PLAC9: variants seen among roughly 807,000 people sequenced by gnomAD.
The protein encoded by PLAC9 is placenta-specific protein 9.
In PLAC9, 12 loss-of-function variants were observed where a neutral mutation model predicts 11.5. The ratio of observed to expected loss-of-function variants is 1.05; its 90% CI spans 0.67 to 1.69. The LOEUF is 1.69. PLAC9 is among the 40% of genes most tolerant of loss of function. The pLI is 0.00. For missense variants in PLAC9, 132 were observed against 130.5 expected (o/e 1.01, Z -0.06); for synonymous variants, 62 against 58.1 (o/e 1.07, Z -0.31).
intron 1 of PLAC9, among the ~76,000 whole-genome samples, chr10:80,135,019 T>TTTA (rs1844958438): frequency 6.6e-6 from 1 of 151,164 alleles, no homozygotes; most frequent in Non-Finnish European, 1.5e-5. Flanking sequence ...TGTTTGTTTA[T>TTTA]TTATTTATTT....
intron 2 of PLAC9, among the ~76,000 whole-genome samples, 171 bp downstream of exon 2, chr10:80,142,350 C>T (rs1387878724): frequency 2.0e-5 from 3 of 152,098 alleles, no homozygotes; most frequent in African/African-American, 7.2e-5. Context: ...CTGCCCAGCC[C>T]CCAGTGGACC....
At chr10:80,143,011 C>T (rs2789649) in intron 2 of PLAC9, among the ~76,000 whole-genome samples, 69,541 of 151,878 alleles carry the variant, frequency 0.46, 16,240 homozygotes, top group East Asian at 0.56. Flanking sequence ...GCATGAGCCA[C>T]TGTGCCCGGC....
intron 1 of PLAC9, among the ~76,000 whole-genome samples, chr10:80,133,634 G>T (rs1290797468): frequency 6.6e-6 from 1 of 152,192 alleles, no homozygotes; most frequent in Non-Finnish European, 1.5e-5. Flanking sequence ...CTGTGCGGAG[G>T]AGAGAGGCTG....
Position 80,144,292 on chromosome 10 carries a change from G to C in PLAC9, c.232G>C (p.Ala78Pro). 1 of 1,613,348 alleles carries C rather than the reference G, an allele frequency of 6.2e-7. No homozygotes were observed. Among genetic ancestry groups the C allele is most frequent in the Non-Finnish European group, 8.5e-7 (1 of 1,180,004 alleles). The change falls in exon 3 of 4, where the codon GCC becomes CCC. Residue 78 changes from alanine to proline, a missense_variant. Transcript: ENST00000372263. ...CCTGCTGGGCCTGCTGGAGGAGCTG[G>C]CCTGGAACCTGCCCCCGGGACCCTT... ...KGLLGLLEEL[A>P]WNLPPGPFSP...
intron 1 of PLAC9, among the ~76,000 whole-genome samples, chr10:80,140,549 CTGAG>C (rs1277491513): frequency 2.6e-5 from 4 of 152,214 alleles, no homozygotes. Context: ...ACCCTCCTTC[CTGAG>C]TGTCAGCGTT....
At chr10:80,142,821 CAATCCTCCCACCTCAGT>C (rs1441877577) in intron 2 of PLAC9, among the ~76,000 whole-genome samples, 2 of 151,878 alleles carry the variant, frequency 1.3e-5, no homozygotes, top group Non-Finnish European at 2.9e-5. Flanking sequence ...CAGGCTCAAG[CAATCCTCCCACCTCAGT>C]CTCCCAAGTA....
intron 2 of PLAC9, among the ~76,000 whole-genome samples, chr10:80,142,651 T>A (rs1255838909): frequency 6.6e-6 from 1 of 152,244 alleles, no homozygotes; most frequent in African/African-American, 2.4e-5. Flanking sequence ...ATTTTTATCC[T>A]TCCTTATGTC....
chr10:80,145,323 TGTGTCCATTAAA>T lies in PLAC9; in HGVS notation c.*417_*428del. 1 of 294,384 alleles carries T rather than the reference TGTGTCCATTAAA, an allele frequency of 3.4e-6. No homozygotes were observed. The highest frequency in any genetic ancestry group is 4.1e-5 in the South Asian group (1 of 24,670). 18.2% of individuals were successfully genotyped at this position (294,384 alleles called of 1,614,324 possible). On this transcript the variant is annotated 3_prime_UTR_variant, in exon 4 of 4. Transcript: ENST00000372263. The stretch of plus-strand genomic sequence containing the variant: ...TGCAATGAGACCCCCAGGGATTTTA[TGTGTCCATTAAA>T]GTGGTTTGTTGTTGTTTTTAAAAAT...
At chr10:80,142,570 A>G (rs996916089) in intron 2 of PLAC9, among the ~76,000 whole-genome samples, 4 of 152,252 alleles carry the variant, frequency 2.6e-5, no homozygotes, top group Non-Finnish European at 5.9e-5. Context: ...TGGTATTAAC[A>G]GTACTATAAC....
intron 2 of PLAC9, chr10:80,144,003 AAAG>A (rs1028850986): frequency 1.3e-4 from 73 of 582,378 alleles, no homozygotes; most frequent in Non-Finnish European, 1.9e-4. Context: ...AAGTGCCAAA[AAAG>A]AAGGAGCCTT....
At chr10:80,141,577 C>T (rs561127637) in intron 1 of PLAC9, among the ~76,000 whole-genome samples, 4 of 152,006 alleles carry the variant, frequency 2.6e-5, no homozygotes, top group Non-Finnish European at 2.9e-5. Context: ...CCAGCCTGGG[C>T]GACAGAGCGA....
At chr10:80,141,277 T>A (rs1446245824) in intron 1 of PLAC9, among the ~76,000 whole-genome samples, 2 of 152,176 alleles carry the variant, frequency 1.3e-5, no homozygotes, top group Non-Finnish European at 2.9e-5. Context: ...AAAAAATTCA[T>A]GTTTGGCTCT....
chr10:80,141,948 C>T, intron 1 of PLAC9, 134 bp from the exon 2 acceptor site: 2 of 516,422 alleles, frequency 3.9e-6, no homozygotes, highest in Middle Eastern at 5.2e-4. Flanking sequence ...CACACTGACC[C>T]CCACCTGGGC....
chr10:80,135,747 A>G (rs1325449479), intron 1 of PLAC9, among the ~76,000 whole-genome samples: 1 of 152,194 alleles, frequency 6.6e-6, no homozygotes. Context: ...TTATAAAATC[A>G]CTTGAAGAAT....
At chr10:80,133,267 C>T (rs1844933974) in intron 1 of PLAC9, among the ~76,000 whole-genome samples, 1 of 152,098 alleles carries the variant, frequency 6.6e-6, no homozygotes. Flanking sequence ...AGCTCGATGC[C>T]CGGAGTAGAG....
rs775411552 is a variant in PLAC9 at position 80,145,050 on chromosome 10, G to A, written c.*140G>A. On this transcript the variant is annotated 3_prime_UTR_variant, in exon 4 of 4. Coordinates refer to ENST00000372263, the MANE Select transcript of PLAC9 (RefSeq NM_001012973.3). ...CTGGTCTCCTCTGTGTCTGCTGACA[G>A]AGTAACCCGTTTAACTACAGCCTCC... 3 of 1,128,044 alleles carry A rather than the reference G, an allele frequency of 2.7e-6. No individual in the cohort carries two copies. Among genetic ancestry groups the A allele is most frequent in the Non-Finnish European group, 3.9e-6 (3 of 765,664 alleles). The allele number at this position is 1,128,044 out of a possible 1,614,324, so 69.9% of individuals were successfully genotyped here.
chr10:80,135,416 C>T (rs1844964337), intron 1 of PLAC9, among the ~76,000 whole-genome samples: 1 of 148,368 alleles, frequency 6.7e-6, no homozygotes, highest in Non-Finnish European at 1.5e-5. Flanking sequence ...ACCTCTGCCT[C>T]CTGGGTTCAA....
chr10:80,144,749 G>T lies in PLAC9; in HGVS notation c.284-151G>T, dbSNP rs1845082027. ...GTCCCCACTGATCAGGCAGGGTTGG[G>T]GTTGCACTCTGCTCTCTCCTTGATC... On this transcript the variant is annotated intron_variant, in intron 3 of 3. Transcript: ENST00000372263. 5 of 782,972 alleles carry T rather than the reference G, an allele frequency of 6.4e-6. No homozygotes were observed. The South Asian group carries it at 9.4e-5, about 15-fold the overall frequency. 48.5% of individuals were successfully genotyped at this position (782,972 alleles called of 1,614,324 possible).
intron 3 of PLAC9, 103 bp from the exon 4 acceptor site, chr10:80,144,797 T>A: frequency 3.3e-6 from 4 of 1,229,568 alleles, no homozygotes; most frequent in Non-Finnish European, 4.4e-6. Flanking sequence ...GCGCAGTAGT[T>A]CCTGGGGGCC....
Sources: allele counts gnomAD v4.1 joint callset (sites outside exome capture counted in the v4.1 genomes callset), GRCh38; gene constraint gnomAD v4.1.1; transcripts MANE v1.5; gene names NCBI Gene and HGNC (gene_info 2026-07-23, HGNC 2026-07-21).